Variants in CPSF6 observed in about 807,000 individuals in gnomAD.
CPSF6 encodes cleavage and polyadenylation specificity factor subunit 6.
In CPSF6, 10 loss-of-function variants were observed where a neutral mutation model predicts 56.7. The ratio of observed to expected loss-of-function variants is 0.18; its 90% CI spans 0.11 to 0.30. The LOEUF (loss-of-function observed/expected upper bound fraction) is 0.30. Ranked by LOEUF, CPSF6 falls within the 10% of genes least tolerant of loss-of-function variation. The pLI, the probability that CPSF6 is intolerant of heterozygous loss-of-function variation, is 1.00. For synonymous variants in CPSF6, 248 were observed against 244.8 expected (o/e 1.01, Z -0.12); for missense variants, 419 against 722.9 (o/e 0.58, Z 4.82).
At chr12:69,250,466 A>G (rs1872175827) in intron 1 of CPSF6, among the ~76,000 whole-genome samples, 1 of 151,506 alleles carries the variant, frequency 6.6e-6, no homozygotes, top group African/African-American at 2.4e-5. Flanking sequence ...GTTTCGTTAT[A>G]TAGAAATTAA....
At position 69,270,970 on chromosome 12, in the gene CPSF6, C is replaced by T. The variant is rs1031579682; in HGVS notation, c.*1462C>T. The T allele has an allele frequency of 1.3e-5, 2 of 151,666 alleles. No individual in the cohort carries two copies. Among genetic ancestry groups the T allele is most frequent in the Non-Finnish European group, 3.0e-5 (2 of 67,628 alleles). 9.4% of individuals were successfully genotyped at this position (151,666 alleles called of 1,614,324 possible). A position where few individuals can be genotyped will look rare whatever the true frequency, so the allele number is the denominator to read the frequency against. ...GTTAAAGAGTACCCAAATTCTAGGACAATGCTTAAAGTGTTAAAATACCCT... is the reference window on the plus strand; with the variant it reads ...GTTAAAGAGTACCCAAATTCTAGGATAATGCTTAAAGTGTTAAAATACCCT... On this transcript the variant is annotated 3_prime_UTR_variant, in exon 10 of 10. Coordinates refer to ENST00000435070, the MANE Select transcript of CPSF6 (RefSeq NM_007007.3).
rs1301838402 is a variant in CPSF6, at chr12:69,271,359, A to G, written c.*1851A>G. The G allele has an allele frequency of 5.3e-5, 8 of 152,138 alleles. No individual in the cohort carries two copies. Among genetic ancestry groups the G allele is most frequent in the Admixed American group, 5.3e-4 (8 of 15,224 alleles). The allele number at this position is 152,138 out of a possible 1,614,324, so 9.4% of individuals were successfully genotyped here. On this transcript the variant is annotated 3_prime_UTR_variant, in exon 10 of 10. Transcript: ENST00000435070. ...TGCCCTAATGCGAAGAAGTATGGAC[A>G]TATAAATATTACAAGAGAAATTAGT...
At chr12:69,243,772 A>G (rs1410554273) in intron 1 of CPSF6, among the ~76,000 whole-genome samples, 14 of 152,138 alleles carry the variant, frequency 9.2e-5, no homozygotes, top group Admixed American at 7.9e-4. Flanking sequence ...TAAACACTGT[A>G]CAGTACACTC....
intron 2 of CPSF6, chr12:69,251,995 G>A (rs1425060610): frequency 2.2e-6 from 1 of 455,506 alleles, no homozygotes; most frequent in East Asian, 6.9e-5. Context: ...TTAAAAACTT[G>A]TATATGCAAA....
rs1474694687 is a variant in CPSF6 at position 69,269,867 on chromosome 12, A to G, written c.*359A>G. ...TAGTTTGTTCTTGTTAAAAATGTTT[A>G]TATGATAATGTCTGTAAACAGCATC... On this transcript the variant is annotated 3_prime_UTR_variant, in exon 10 of 10. Coordinates refer to ENST00000435070, the MANE Select transcript of CPSF6 (RefSeq NM_007007.3). 1 of 183,154 alleles carries G rather than the reference A, an allele frequency of 5.5e-6. No individual in the cohort carries two copies. The highest frequency in any genetic ancestry group is 2.4e-5 in the African/African-American group (1 of 41,742). 11.3% of individuals were successfully genotyped at this position (183,154 alleles called of 1,614,324 possible). A position where few individuals can be genotyped will look rare whatever the true frequency, so the allele number is the denominator to read the frequency against.
In CPSF6 at chr12:69,257,789, C is replaced by G; in HGVS notation, c.578C>G (p.Ser193Cys). The change falls in exon 5 of 10, where the codon TCC becomes TGC. Residue 193 changes from serine (S) to cysteine (C), a missense_variant. Physicochemically the swap from Ser to Cys is moderately radical, Grantham distance 112. Around this residue, in one of 4 missense-constraint regions of CPSF6, gnomAD observed 211 missense variants for 296.0 expected, o/e 0.71. Transcript: ENST00000435070. ...AAAGCTGGTCCTCCAGGAGGCAGTT[C>G]CCGTGCAGCATTTCCACAAGGTGGT... Reference protein sequence around the residue: ...EGKAGPPGGSSRAAFPQGGRG... With the variant: ...EGKAGPPGGSCRAAFPQGGRG... 6.2e-7 allele frequency: 1 copy of G among 1,613,422 alleles called. No individual in the cohort carries two copies. The highest frequency in any genetic ancestry group is 8.5e-7 in the Non-Finnish European group (1 of 1,179,856).
At chr12:69,259,944 G>T (rs1358493260) in intron 7 of CPSF6, 100 bp from the exon 8 acceptor site, 3 of 1,204,450 alleles carry the variant, frequency 2.5e-6, no homozygotes, top group Non-Finnish European at 3.5e-6. Context: ...TTATAGCACA[G>T]TACTTTTGTA....
At chr12:69,240,025 C>T (rs1303861787) in intron 1 of CPSF6, among the ~76,000 whole-genome samples, 1 of 151,450 alleles carries the variant, frequency 6.6e-6, no homozygotes, top group Non-Finnish European at 1.5e-5. Flanking sequence ...CTTCCCGCCG[C>T]GCTAGGCCCG....
chr12:69,259,564 A>G (rs1405802358), intron 7 of CPSF6, 21 bp downstream of exon 7: 1 of 1,583,092 alleles, frequency 6.3e-7, no homozygotes, highest in Admixed American at 1.9e-5. Context: ...TTCTTGTATT[A>G]ATATTTCTTA....
At chr12:69,253,260 A>G in intron 3 of CPSF6, 106 bp downstream of exon 3, 1 of 561,584 alleles carries the variant, frequency 1.8e-6, no homozygotes, top group Non-Finnish European at 3.2e-6. Flanking sequence ...ACACATGTAT[A>G]CAAACAACAC....
At chr12:69,247,107 A>G (rs1871949530) in intron 1 of CPSF6, among the ~76,000 whole-genome samples, 1 of 124,934 alleles carries the variant, frequency 8.0e-6, no homozygotes, top group South Asian at 3.1e-4. Flanking sequence ...TAAAATTGTA[A>G]GAGGGGTAAT....
At position 69,258,470 on chromosome 12, in the gene CPSF6, A is replaced by C; in HGVS notation, c.695-120A>C. Reference sequence around the variant, plus strand: ...GTGTAACATTTACCATACGGGTTTAATTTAAAGACAAAGACTTGGTGTATG... The same window carrying C: ...GTGTAACATTTACCATACGGGTTTACTTTAAAGACAAAGACTTGGTGTATG... On this transcript the variant is annotated intron_variant, in intron 5 of 9. Transcript: ENST00000435070. The surrounding 1 kb of genome is among the most constrained non-coding windows in gnomAD (Gnocchi z 4.2). 1.9e-6 allele frequency: 2 copies of C among 1,044,178 alleles called. No homozygotes were observed. The highest frequency in any genetic ancestry group is 2.7e-6 in the Non-Finnish European group (2 of 743,362). 64.7% of individuals were successfully genotyped at this position (1,044,178 alleles called of 1,614,324 possible). A position where few individuals can be genotyped will look rare whatever the true frequency, so the allele number is the denominator to read the frequency against.
intron 9 of CPSF6, among the ~76,000 whole-genome samples, chr12:69,268,852 A>T (rs1251451777): frequency 6.6e-6 from 1 of 151,776 alleles, no homozygotes; most frequent in Non-Finnish European, 1.5e-5. Flanking sequence ...ATACTACGTT[A>T]GGTATTTCTA....
At chr12:69,240,801 A>G (rs1260879366) in intron 1 of CPSF6, among the ~76,000 whole-genome samples, 1 of 151,168 alleles carries the variant, frequency 6.6e-6, no homozygotes, top group Non-Finnish European at 1.5e-5. Context: ...ATGTCTGTTA[A>G]TGGGCATCCT....
At chr12:69,257,619 C>A in intron 4 of CPSF6, 113 bp from the exon 5 acceptor site, 1 of 962,908 alleles carries the variant, frequency 1.0e-6, no homozygotes, top group Non-Finnish European at 1.6e-6. Context: ...TGCATAGGCA[C>A]AAGGCATTTG....
intron 1 of CPSF6, among the ~76,000 whole-genome samples, chr12:69,240,924 A>G (rs554328848): frequency 1.1e-4 from 17 of 152,308 alleles, no homozygotes; most frequent in Admixed American, 4.6e-4. Flanking sequence ...CTTAACTGCA[A>G]TGTTCCTAAA....
chr12:69,270,462 T>A lies in CPSF6; in HGVS notation c.*954T>A, dbSNP rs550005823. On this transcript the variant is annotated 3_prime_UTR_variant, in exon 10 of 10. Transcript: ENST00000435070. ...TGATGCTGCAATTACTTGCTGTTTT[T>A]ATTGATCTTATGGTTTATTTCTTAA... 1.3e-5 allele frequency: 2 copies of A among 151,928 alleles called. No individual in the cohort carries two copies. Among genetic ancestry groups the A allele is most frequent in the Non-Finnish European group, 3.0e-5 (2 of 67,726 alleles). The allele number at this position is 151,928 out of a possible 1,614,324, so 9.4% of individuals were successfully genotyped here. A position where few individuals can be genotyped will look rare whatever the true frequency, so the allele number is the denominator to read the frequency against.
rs74102848 is a variant in CPSF6, at chr12:69,241,105, C to T, written c.60+1399C>T. 4.3e-3 allele frequency among the ~76,000 whole-genome samples: 659 copies of T among 152,272 alleles called. 7 individuals carry two copies. Among genetic ancestry groups the T allele is most frequent in the African/African-American group, 0.015 (625 of 41,554 alleles). ...TTACTGTTTTATTTTTCAGGAATGA[C>T]TTTGTGCCTCTGGTTTAAATATTAG... On this transcript the variant is annotated intron_variant, in intron 1 of 9. Coordinates refer to ENST00000435070, the MANE Select transcript of CPSF6 (RefSeq NM_007007.3).
intron 3 of CPSF6, among the ~76,000 whole-genome samples, chr12:69,254,182 C>T (rs11177570): frequency 0.57 from 83,501 of 146,874 alleles, 23,225 homozygotes; most frequent in East Asian, 0.73. Flanking sequence ...AACAGAAGTT[C>T]TAAAAAAAAA....
Sources: allele counts gnomAD v4.1 joint callset (sites outside exome capture counted in the v4.1 genomes callset), GRCh38; gene constraint gnomAD v4.1.1; regional missense constraint gnomAD v4.1.1; non-coding constraint Gnocchi (gnomAD v3.1); transcripts MANE v1.5; gene names NCBI Gene and HGNC (gene_info 2026-07-23, HGNC 2026-07-21).